The following EPHA7 variants were observed in gnomAD, a reference collection of about 807,000 sequenced individuals.
The protein encoded by EPHA7 is EPH receptor A7.
A neutral mutation model predicts 112.6 loss-of-function variants in EPHA7; 25 were observed. The observed-to-expected ratio is 0.22, with a 90% confidence interval of 0.16 to 0.31. The LOEUF (loss-of-function observed/expected upper bound fraction) is 0.31, where lower values mean the gene tolerates loss of function less well. EPHA7 is among the 10% of genes least tolerant of loss of function. The pLI, the probability that EPHA7 is intolerant of heterozygous loss-of-function variation, is 1.00. For synonymous variants in EPHA7, 437 were observed against 406.5 expected, an observed-to-expected ratio of 1.07 and a Z score of -0.90; for missense variants, 962 against 1,212.6, an observed-to-expected ratio of 0.79 and a Z score of 3.07.
In EPHA7 at chr6:93,376,633, G is replaced by A. The variant is rs16871281; in HGVS notation, c.833-18222C>T. On this transcript the variant is annotated intron_variant, in intron 3 of 16. Transcript: ENST00000369303. ...TATAAAATAACATTTAATGTCTTCC[G>A]TATCAATGTATTTGAACAAAAATAA... 9.5e-3 allele frequency among the ~76,000 whole-genome samples: 1,450 copies of A among 152,124 alleles called. 27 individuals carry two copies. The highest frequency in any genetic ancestry group is 0.028 in the African/African-American group (1,154 of 41,498).
chr6:93,244,061 A>G (rs1181906721), intron 16 of EPHA7, among the ~76,000 whole-genome samples: 2 of 152,160 alleles, frequency 1.3e-5, no homozygotes, highest in African/African-American at 4.8e-5. Flanking sequence ...AGTGAGTTCA[A>G]TCATTTCATT....
intron 6 of EPHA7, 50 bp from the exon 7 acceptor site, chr6:93,269,710 A>AT: frequency 1.5e-6 from 2 of 1,377,678 alleles, no homozygotes; most frequent in Non-Finnish European, 1.9e-6. Flanking sequence ...CAACCAGACA[A>AT]TTTGACAGCC....
chr6:93,299,494 C>G (rs1772860429), intron 5 of EPHA7, among the ~76,000 whole-genome samples: 1 of 151,930 alleles, frequency 6.6e-6, no homozygotes, highest in Admixed American at 6.6e-5. Flanking sequence ...AAGATGCTGG[C>G]AAGGTTGCAG....
intron 3 of EPHA7, among the ~76,000 whole-genome samples, chr6:93,386,051 T>A (rs1777588393): frequency 6.6e-6 from 1 of 152,152 alleles, no homozygotes; most frequent in South Asian, 2.1e-4. Flanking sequence ...CAATTCAAGA[T>A]GAAATTTGGA....
At chr6:93,357,364 AACAGT>A (rs1204502377) in intron 4 of EPHA7, among the ~76,000 whole-genome samples, 1 of 152,192 alleles carries the variant, frequency 6.6e-6, no homozygotes, top group Non-Finnish European at 1.5e-5. Context: ...AAGCAATTAA[AACAGT>A]ACAGTTAATG....
intron 5 of EPHA7, among the ~76,000 whole-genome samples, chr6:93,316,585 C>G (rs1478628578): frequency 6.6e-6 from 1 of 152,020 alleles, no homozygotes; most frequent in Non-Finnish European, 1.5e-5. Flanking sequence ...TGAGTATCTA[C>G]CTATCAGATA....
At chr6:93,368,807 C>A (rs1032013383) in intron 3 of EPHA7, among the ~76,000 whole-genome samples, 1 of 152,062 alleles carries the variant, frequency 6.6e-6, no homozygotes, top group Non-Finnish European at 1.5e-5. Context: ...AGCAATCGTT[C>A]TAGCTGTTTG....
intron 5 of EPHA7, among the ~76,000 whole-genome samples, chr6:93,317,515 C>G (rs541578329): frequency 1.3e-5 from 2 of 152,162 alleles, no homozygotes; most frequent in Admixed American, 1.3e-4. Context: ...TCAGGTCATT[C>G]AATTTTAACA....
At chr6:93,417,971 T>A (rs1779329602) in intron 1 of EPHA7, among the ~76,000 whole-genome samples, 1 of 152,006 alleles carries the variant, frequency 6.6e-6, no homozygotes, top group Non-Finnish European at 1.5e-5. Context: ...AAAGGTGCAC[T>A]AAGTTTTCAG....
chr6:93,354,495 T>C (rs1230447695), intron 5 of EPHA7, among the ~76,000 whole-genome samples: 1 of 151,886 alleles, frequency 6.6e-6, no homozygotes, highest in Non-Finnish European at 1.5e-5. Context: ...TTTCTTTTCA[T>C]CGAGGTATAA....
At position 93,410,387 on chromosome 6, in the gene EPHA7, T is replaced by C. The variant is rs1174834944; in HGVS notation, c.832+114A>G. The C allele has an allele frequency of 2.1e-6, 2 of 949,094 alleles. No homozygotes were observed. Among genetic ancestry groups the C allele is most frequent in the African/African-American group, 1.6e-5 (1 of 60,794 alleles). 58.8% of individuals were successfully genotyped at this position (949,094 alleles called of 1,614,324 possible). ...GTGACTTTGTTTAAGATCTACTGAA[T>C]TGCGCTTCTGGTACAGAGCAGATTC... On this transcript the variant is annotated intron_variant, in intron 3 of 16. Transcript: ENST00000369303. The surrounding 1 kb of genome is among the most constrained non-coding windows in gnomAD (Gnocchi z 4.0).
At chr6:93,393,601 G>A (rs949027712) in intron 3 of EPHA7, among the ~76,000 whole-genome samples, 4 of 151,788 alleles carry the variant, frequency 2.6e-5, no homozygotes, top group Non-Finnish European at 5.9e-5. Flanking sequence ...GGCTAGGACT[G>A]AACTAGACTG....
intron 5 of EPHA7, among the ~76,000 whole-genome samples, chr6:93,275,304 A>G (rs1293541352): frequency 6.6e-6 from 1 of 151,836 alleles, no homozygotes; most frequent in African/African-American, 2.4e-5. Flanking sequence ...AACAACAATA[A>G]AGTTCCAAAT....
At chr6:93,336,282 A>G (rs1368627735) in intron 5 of EPHA7, among the ~76,000 whole-genome samples, 5 of 152,208 alleles carry the variant, frequency 3.3e-5, no homozygotes, top group Non-Finnish European at 1.5e-5. Flanking sequence ...CAAGGTATAC[A>G]TGAAAGTTTC....
intron 5 of EPHA7, among the ~76,000 whole-genome samples, chr6:93,328,325 A>C (rs1774422661): frequency 6.6e-6 from 1 of 151,446 alleles, no homozygotes; most frequent in South Asian, 2.1e-4. Context: ...CTTGCACTCC[A>C]CTTCTACTAG....
Position 93,419,502 on chromosome 6 carries a change from C to T in EPHA7, c.-161G>A. On this transcript the variant is annotated 5_prime_UTR_variant, in exon 1 of 17. Transcript: ENST00000369303. ...CCACGTTTAGCTTTTTTTAATTTCC[C>T]CCCCACTCCTGTTCGCTCGCACCGT... The T allele has an allele frequency of 1.7e-6, 1 of 597,746 alleles. No individual in the cohort carries two copies. Among genetic ancestry groups the T allele is most frequent in the African/African-American group, 1.9e-5 (1 of 52,608 alleles). 37.0% of individuals were successfully genotyped at this position (597,746 alleles called of 1,614,324 possible).
At chr6:93,307,036 GTATAAT>G (rs2127858338) in intron 5 of EPHA7, among the ~76,000 whole-genome samples, 1 of 151,818 alleles carries the variant, frequency 6.6e-6, no homozygotes, top group African/African-American at 2.4e-5. Flanking sequence ...CATAAAAGAA[GTATAAT>G]TATAATATTT....
intron 5 of EPHA7, among the ~76,000 whole-genome samples, chr6:93,355,978 C>A (rs542597144): frequency 6.6e-6 from 1 of 152,232 alleles, no homozygotes; most frequent in African/African-American, 2.4e-5. Flanking sequence ...TTACAAAGAT[C>A]ATAGTCTATG....
chr6:93,299,758 C>G (rs968597928), intron 5 of EPHA7, among the ~76,000 whole-genome samples: 2 of 152,040 alleles, frequency 1.3e-5, no homozygotes, highest in African/African-American at 4.8e-5. Flanking sequence ...ATAAAGAAAA[C>G]GTGGTACATA....
Sources: gnomAD v4.1 joint callset for allele counts (sites outside exome capture counted in the v4.1 genomes callset) on GRCh38, gnomAD v4.1.1 for gene constraint, Gnocchi (gnomAD v3.1) non-coding constraint, MANE v1.5 for transcripts, NCBI Gene and HGNC (gene_info 2026-07-23, HGNC 2026-07-21) for gene names.